Variants in LRP1B observed in about 807,000 individuals in gnomAD.
LRP1B encodes the protein low-density lipoprotein receptor-related protein 1B.
A neutral mutation model predicts 556.6 loss-of-function variants in LRP1B; 217 were observed. That is an observed-to-expected ratio of 0.39 (90% CI 0.35 to 0.44). The LOEUF (loss-of-function observed/expected upper bound fraction) is 0.44, where lower values mean the gene tolerates loss of function less well. LRP1B is among the 20% of genes least tolerant of loss of function. LRP1B has a pLI of 1.00. For missense variants in LRP1B, 5,053 were observed against 5,620.8 expected (o/e 0.90, Z 3.23); for synonymous variants, 2,047 against 1,865.8 (o/e 1.10, Z -2.50).
chr2:141,942,049 C>T (rs1181054392), intron 1 of LRP1B, among the ~76,000 whole-genome samples: 1 of 152,150 alleles, frequency 6.6e-6, no homozygotes, highest in Non-Finnish European at 1.5e-5. Context: ...GTGCCTAGCA[C>T]AATACTCTGT....
intron 1 of LRP1B, among the ~76,000 whole-genome samples, chr2:142,011,106 T>C (rs1333366567): frequency 1.3e-5 from 2 of 152,212 alleles, no homozygotes; most frequent in East Asian, 3.8e-4. Context: ...ATTTCTGGCT[T>C]ACTTAAGTGT....
At chr2:140,352,820 G>A (rs1285429704) in intron 76 of LRP1B, 133 bp downstream of exon 76, 8 of 831,674 alleles carry the variant, frequency 9.6e-6, no homozygotes, top group African/African-American at 1.7e-5. Flanking sequence ...TAACCAACTG[G>A]CCAAATTAAT....
At chr2:141,230,369 CATCTA>C (rs1683413397) in intron 5 of LRP1B, among the ~76,000 whole-genome samples, 1 of 152,166 alleles carries the variant, frequency 6.6e-6, no homozygotes, top group South Asian at 2.1e-4. Context: ...CATGATCACT[CATCTA>C]GATTATTTCA....
At chr2:142,080,489 A>T (rs1340661729) in intron 1 of LRP1B, among the ~76,000 whole-genome samples, 1 of 152,152 alleles carries the variant, frequency 6.6e-6, no homozygotes, top group Non-Finnish European at 1.5e-5. Context: ...ACCATTCAGC[A>T]TTAAGAAATG....
At chr2:141,808,808 C>T (rs907096717) in intron 2 of LRP1B, among the ~76,000 whole-genome samples, 1 of 152,006 alleles carries the variant, frequency 6.6e-6, no homozygotes, top group Non-Finnish European at 1.5e-5. Context: ...TATAGATTTG[C>T]CTATTTTGCA....
rs1173699151 is a variant in LRP1B, at chr2:140,502,947, G to T, written c.8662+16C>A. ...AACACTTTAGAGTAAATGCGGTATT[G>T]TATATATTTCTGTACCTGCACTTTT... is the stretch of plus-strand genomic sequence containing the variant. On this transcript the variant is annotated intron_variant, in intron 54 of 90. Transcript: ENST00000389484. 6.2e-7 allele frequency: 1 copy of T among 1,611,524 alleles called. No individual in the cohort carries two copies. The highest frequency in any genetic ancestry group is 1.1e-5 in the South Asian group (1 of 91,002).
At chr2:140,961,621 C>T (rs78338995) in intron 18 of LRP1B, among the ~76,000 whole-genome samples, 5,936 of 151,854 alleles carry the variant, frequency 0.039, 175 homozygotes, top group East Asian at 0.14. Flanking sequence ...TTTGGTACTC[C>T]ACACAATTTT....
At chr2:141,877,996 T>A (rs1698825279) in intron 1 of LRP1B, among the ~76,000 whole-genome samples, 1 of 151,974 alleles carries the variant, frequency 6.6e-6, no homozygotes. Flanking sequence ...TCTTGGCATA[T>A]GTCAAAATTT....
intron 23 of LRP1B, chr2:140,898,637 T>G: frequency 2.6e-6 from 1 of 387,264 alleles, no homozygotes. Flanking sequence ...CTGAACAACA[T>G]AAACTGGTCT....
intron 7 of LRP1B, among the ~76,000 whole-genome samples, chr2:141,114,501 T>C (rs1700831526): frequency 6.6e-6 from 1 of 152,144 alleles, no homozygotes; most frequent in Non-Finnish European, 1.5e-5. Flanking sequence ...CTTTCATGGC[T>C]GATCTCCTGA....
chr2:141,941,850 C>T (rs557821989), intron 1 of LRP1B, among the ~76,000 whole-genome samples: 19 of 152,264 alleles, frequency 1.2e-4, no homozygotes, highest in East Asian at 7.7e-4. Flanking sequence ...GAAAAAGTTA[C>T]GTGCATCTAT....
At chr2:140,772,669 A>G (rs939541559) in intron 33 of LRP1B, among the ~76,000 whole-genome samples, 5 of 152,174 alleles carry the variant, frequency 3.3e-5, no homozygotes, top group African/African-American at 1.2e-4. Context: ...AAGCATGGGT[A>G]TATTAATGTA....
At chr2:140,263,381 C>T (rs908536398) in intron 86 of LRP1B, among the ~76,000 whole-genome samples, 1 of 152,160 alleles carries the variant, frequency 6.6e-6, no homozygotes. Context: ...CCATGAGCCA[C>T]ACCCATAATC....
intron 18 of LRP1B, among the ~76,000 whole-genome samples, chr2:140,970,330 G>T (rs1454159446): frequency 6.6e-6 from 1 of 152,082 alleles, no homozygotes; most frequent in African/African-American, 2.4e-5. Context: ...ACTGACACTT[G>T]TGCATTTGTC....
chr2:142,080,992 G>A lies in LRP1B; in HGVS notation c.82+49656C>T, dbSNP rs115192517. On this transcript the variant is annotated intron_variant, in intron 1 of 90. Transcript: ENST00000389484. Reference sequence around the variant, plus strand: ...ATGGAAGAAAGAAGGATTGATGAGAGAATGCTGGATCCAAAGTTTGAAAAC... The same window carrying A: ...ATGGAAGAAAGAAGGATTGATGAGAAAATGCTGGATCCAAAGTTTGAAAAC... Among the ~76,000 whole-genome samples, 1,125 of 152,274 alleles carry A rather than the reference G, an allele frequency of 7.4e-3. 17 individuals carry two copies. The highest frequency in any genetic ancestry group is 0.026 in the African/African-American group (1,081 of 41,552).
At chr2:141,028,687 A>C (rs1698283226) in intron 11 of LRP1B, among the ~76,000 whole-genome samples, 1 of 152,076 alleles carries the variant, frequency 6.6e-6, no homozygotes, top group South Asian at 2.1e-4. Flanking sequence ...TTCTTTAATG[A>C]TTCTTAGATC....
chr2:140,547,460 TCTGATGG>T (rs1446678042), intron 43 of LRP1B, among the ~76,000 whole-genome samples: 5 of 152,188 alleles, frequency 3.3e-5, no homozygotes, highest in Non-Finnish European at 7.3e-5. Context: ...CATAATATTC[TCTGATGG>T]TTATTTCTAT....
chr2:141,894,999 G>A (rs1222671749), intron 1 of LRP1B, among the ~76,000 whole-genome samples: 2 of 138,006 alleles, frequency 1.4e-5, no homozygotes, highest in East Asian at 2.3e-4. Context: ...AGTGAGTTGA[G>A]TTCGTGCCAT....
chr2:142,006,819 T>C (rs1047680033), intron 1 of LRP1B, among the ~76,000 whole-genome samples: 1 of 151,892 alleles, frequency 6.6e-6, no homozygotes, highest in Non-Finnish European at 1.5e-5. Flanking sequence ...GTGCTGATGT[T>C]TTTGATTGAG....
Sources: allele counts gnomAD v4.1 joint callset (sites outside exome capture counted in the v4.1 genomes callset), GRCh38; gene constraint gnomAD v4.1.1; transcripts MANE v1.5; gene names NCBI Gene and HGNC (gene_info 2026-07-23, HGNC 2026-07-21).